Variants in CDYL observed in about 807,000 individuals in gnomAD.
The protein encoded by CDYL is chromodomain Y like.
CDYL carries 8 observed loss-of-function variants against 47.3 expected under a neutral mutation model. The ratio of observed to expected loss-of-function variants is 0.17; its 90% confidence interval spans 0.10 to 0.31. CDYL has a LOEUF of 0.31. CDYL is among the 10% of genes least tolerant of loss of function. The pLI, the probability that CDYL is intolerant of heterozygous loss-of-function variation, is 1.00. For synonymous variants in CDYL, 266 were observed against 265.0 expected (o/e 1.00, Z -0.04); for missense variants, 471 against 701.4 (o/e 0.67, Z 3.71).
intron 2 of CDYL, among the ~76,000 whole-genome samples, chr6:4,907,445 C>G (rs1262410490): frequency 5.9e-5 from 9 of 152,170 alleles, no homozygotes; most frequent in Non-Finnish European, 1.2e-4. Context: ...ACTGCCGTCT[C>G]CCCCTCCCAG....
chr6:4,720,053 C>T (rs570119093), intron 2 of CDYL, among the ~76,000 whole-genome samples: 1 of 152,302 alleles, frequency 6.6e-6, no homozygotes, highest in South Asian at 2.1e-4. Context: ...CATTATTAAT[C>T]GCAAATCTCA....
chr6:4,936,170 C>T (rs1380941758), intron 3 of CDYL, among the ~76,000 whole-genome samples: 1 of 152,198 alleles, frequency 6.6e-6, no homozygotes, highest in Non-Finnish European at 1.5e-5. Flanking sequence ...TTTGTTCAGA[C>T]AGAATTTAAG....
intron 2 of CDYL, chr6:4,724,936 A>T (rs1225184391): frequency 6.6e-6 from 1 of 152,152 alleles, no homozygotes; most frequent in East Asian, 1.9e-4. Context: ...CCCCACCCAC[A>T]TCCTGCTGAT....
intron 1 of CDYL, among the ~76,000 whole-genome samples, chr6:4,848,273 T>A (rs1279354115): frequency 1.3e-5 from 2 of 152,176 alleles, no homozygotes; most frequent in Non-Finnish European, 2.9e-5. Context: ...ATGAGTGAAC[T>A]CATGGTAACA....
At chr6:4,812,921 A>G (rs930588371) in intron 1 of CDYL, among the ~76,000 whole-genome samples, 2 of 152,042 alleles carry the variant, frequency 1.3e-5, no homozygotes, top group South Asian at 4.1e-4. Context: ...TGTGTTGTGT[A>G]TTGTAGTTTT....
intron 1 of CDYL, among the ~76,000 whole-genome samples, chr6:4,845,686 G>A (rs762231275): frequency 2.0e-5 from 3 of 152,196 alleles, no homozygotes; most frequent in Non-Finnish European, 4.4e-5. Context: ...AAACAAATGA[G>A]TGTGGCTATA....
At position 4,954,328 on chromosome 6, in the gene CDYL, T is replaced by C. The variant is rs1758804524; in HGVS notation, c.*272T>C. The C allele has an allele frequency of 3.9e-6, 1 of 253,910 alleles. No homozygotes were observed. Among genetic ancestry groups the C allele is most frequent in the African/African-American group, 2.2e-5 (1 of 45,210 alleles). 15.7% of individuals were successfully genotyped at this position (253,910 alleles called of 1,614,324 possible). On this transcript the variant is annotated 3_prime_UTR_variant, in exon 7 of 7. Coordinates refer to ENST00000397588, the MANE Select transcript of CDYL (RefSeq NM_004824.4). ...AAAAGTATAAAGGTGAGCACTAGAC[T>C]GCTCTTAGAAGCTCTAATTTTTGTT...
At chr6:4,844,925 A>G (rs1760609871) in intron 1 of CDYL, among the ~76,000 whole-genome samples, 1 of 152,208 alleles carries the variant, frequency 6.6e-6, no homozygotes, top group East Asian at 1.9e-4. Flanking sequence ...AAAGTTGTCA[A>G]ATAAATTGCC....
intron 2 of CDYL, among the ~76,000 whole-genome samples, chr6:4,723,434 G>A (rs1191043922): frequency 2.6e-5 from 4 of 152,030 alleles, no homozygotes; most frequent in Non-Finnish European, 5.9e-5. Flanking sequence ...GCGATCTGAC[G>A]ACAGTGTCAC....
chr6:4,828,254 T>C (rs1429595618), intron 1 of CDYL, among the ~76,000 whole-genome samples: 735 of 5,762 alleles, frequency 0.13, 6 homozygotes, highest in African/African-American at 0.34. Context: ...ACTTTCAGCT[T>C]TTTTTTTTTT....
intron 3 of CDYL, among the ~76,000 whole-genome samples, chr6:4,737,948 C>G (rs190038203): frequency 9.0e-4 from 137 of 152,044 alleles, no homozygotes; most frequent in African/African-American, 3.2e-3. Flanking sequence ...AAGTCAAAAG[C>G]CTAAAAGAAA....
chr6:4,897,016 A>G (rs1762303716), intron 2 of CDYL, among the ~76,000 whole-genome samples: 1 of 152,172 alleles, frequency 6.6e-6, no homozygotes. Context: ...TTTCACTCAG[A>G]AATGTGAGAA....
chr6:4,949,140 G>A (rs919316272), intron 5 of CDYL, among the ~76,000 whole-genome samples: 5 of 152,270 alleles, frequency 3.3e-5, no homozygotes, highest in Non-Finnish European at 4.4e-5. Flanking sequence ...CAGCCAAGGA[G>A]TCTCTTCCAG....
chr6:4,792,720 G>A (rs1758961020), intron 1 of CDYL, among the ~76,000 whole-genome samples: 1 of 152,140 alleles, frequency 6.6e-6, no homozygotes, highest in Non-Finnish European at 1.5e-5. Flanking sequence ...ACAGGCATGA[G>A]CCACCGCGCC....
intron 1 of CDYL, among the ~76,000 whole-genome samples, chr6:4,712,537 AC>A (rs927819403): frequency 6.6e-6 from 1 of 152,132 alleles, no homozygotes; most frequent in African/African-American, 2.4e-5. Flanking sequence ...GCCACCTCCC[AC>A]CCGGGCACAA....
intron 2 of CDYL, among the ~76,000 whole-genome samples, chr6:4,728,018 G>A (rs530787994): frequency 6.6e-6 from 1 of 152,288 alleles, no homozygotes; most frequent in African/African-American, 2.4e-5. Context: ...GTTGGTTAGA[G>A]GGTTTACAAC....
intron 2 of CDYL, among the ~76,000 whole-genome samples, chr6:4,897,790 G>GTTTTGTTTGT (rs75519192): frequency 4.3e-5 from 6 of 140,220 alleles, no homozygotes; most frequent in East Asian, 2.0e-4. Flanking sequence ...GAAGGTTTTT[G>GTTTTGTTTGT]TTTTTTTTTT....
intron 3 of CDYL, among the ~76,000 whole-genome samples, chr6:4,764,951 C>T (rs2127424035): frequency 6.6e-6 from 1 of 152,254 alleles, no homozygotes; most frequent in African/African-American, 2.4e-5. Flanking sequence ...AAAACTTAAG[C>T]AATTTTGTGA....
intron 1 of CDYL, among the ~76,000 whole-genome samples, chr6:4,795,957 A>G (rs1759060544): frequency 6.6e-6 from 1 of 152,014 alleles, no homozygotes; most frequent in Non-Finnish European, 1.5e-5. Context: ...TTTAAAATAC[A>G]TTCACTTTTT....
Sources: allele counts gnomAD v4.1 joint callset (sites outside exome capture counted in the v4.1 genomes callset), GRCh38; gene constraint gnomAD v4.1.1; transcripts MANE v1.5; gene names NCBI Gene and HGNC (gene_info 2026-07-23, HGNC 2026-07-21).